The following AMZ1 variants were observed in gnomAD, a reference collection of about 807,000 sequenced individuals.
AMZ1 encodes the protein archaemetzincin-1.
In AMZ1, 39 loss-of-function variants were observed where a neutral mutation model predicts 29.9. The ratio of observed to expected loss-of-function variants is 1.30; its 90% CI spans 1.01 to 1.70. AMZ1 has a LOEUF of 1.70. AMZ1 is among the 40% of genes most tolerant of loss of function. The probability of loss-of-function intolerance (pLI) is 0.00; values close to 1 mark genes in which losing one functional copy is unlikely to be tolerated. For synonymous variants in AMZ1, 458 were observed against 304.0 expected (o/e 1.51, Z -5.27); for missense variants, 1,041 against 680.6 (o/e 1.53, Z -5.89).
Position 2,746,387 on chromosome 7 carries a change from T to C in AMZ1, n.551-18325T>C, listed in dbSNP as rs374705237. ...AAGAAATCAAAACCGCTCAACTACA[T>C]GGAAACTGAACAACCTGCTCCTAAA... is the stretch of plus-strand genomic sequence containing the variant. On this transcript the variant is annotated intron_variant and non_coding_transcript_variant, in intron 4 of 4. Transcript: ENST00000489665. 4.6e-5 allele frequency among the ~76,000 whole-genome samples: 7 copies of C among 152,098 alleles called. No homozygotes were observed. The East Asian group carries it at 5.8e-4, about 13-fold the overall frequency.
At chr7:2,707,276 CAAAAAA>C (rs34223369) in intron 3 of AMZ1, among the ~76,000 whole-genome samples, 1 of 144,694 alleles carries the variant, frequency 6.9e-6, no homozygotes, top group Non-Finnish European at 1.5e-5. Flanking sequence ...CACTCCATCT[CAAAAAA>C]AAAAAACAAA....
downstream of AMZ1, among the ~76,000 whole-genome samples, chr7:2,723,894 C>A (rs1789520857): frequency 1.3e-5 from 2 of 152,172 alleles, no homozygotes; most frequent in Non-Finnish European, 2.9e-5. Flanking sequence ...GATAAACTTT[C>A]CCTCGACTGG....
intron 4 of AMZ1, among the ~76,000 whole-genome samples, chr7:2,749,915 T>C (rs962444260): frequency 2.0e-5 from 3 of 152,144 alleles, no homozygotes; most frequent in East Asian, 3.8e-4. Context: ...TTGGGGCAAT[T>C]CCTAAAGGCC....
chr7:2,689,739 C>T (rs930720790), intron 1 of AMZ1, among the ~76,000 whole-genome samples: 23 of 152,214 alleles, frequency 1.5e-4, no homozygotes, highest in Admixed American at 9.8e-4. Flanking sequence ...GTCATGACTG[C>T]AGTTAGCAGA....
At chr7:2,689,441 G>A (rs1048108837) in intron 1 of AMZ1, among the ~76,000 whole-genome samples, 1 of 152,186 alleles carries the variant, frequency 6.6e-6, no homozygotes, top group Non-Finnish European at 1.5e-5. Context: ...GGAAGGAGAA[G>A]CGTCTGAGTT....
rs915388457 is a variant in AMZ1 at position 2,717,171 on chromosome 7, G to C, written c.*4293G>C. 2.0e-5 allele frequency among the ~76,000 whole-genome samples: 3 copies of C among 152,198 alleles called. No individual in the cohort carries two copies. Among genetic ancestry groups the C allele is most frequent in the Non-Finnish European group, 4.4e-5 (3 of 68,036 alleles). On this transcript the variant is annotated 3_prime_UTR_variant, in exon 7 of 7. Coordinates refer to ENST00000683327, the MANE Select transcript of AMZ1 (RefSeq NM_001384743.1). ...CCTGGGTGGGTGGCCGGCACTCTTAGGTGAGGTGCCAACGAAAACACCCCC... is the reference window on the plus strand; with the variant it reads ...CCTGGGTGGGTGGCCGGCACTCTTACGTGAGGTGCCAACGAAAACACCCCC...
In AMZ1 at chr7:2,753,187, C is replaced by T. The variant is rs138266454; in HGVS notation, n.551-11525C>T. Reference sequence around the variant, plus strand: ...TTTTAAAAAAAGAGACAGGGTCTTACTGTGTTGCCCAGGATGGAATGCAGC... The same window carrying T: ...TTTTAAAAAAAGAGACAGGGTCTTATTGTGTTGCCCAGGATGGAATGCAGC... On this transcript the variant is annotated intron_variant and non_coding_transcript_variant, in intron 4 of 4. Transcript: ENST00000489665. Among the ~76,000 whole-genome samples, 7 of 151,854 alleles carry T rather than the reference C, an allele frequency of 4.6e-5. No individual in the cohort carries two copies. The East Asian group carries it at 1.4e-3, about 29-fold the overall frequency.
At chr7:2,687,450 T>C (rs1186025035), upstream of AMZ1, among the ~76,000 whole-genome samples, 4 of 152,192 alleles carry the variant, frequency 2.6e-5, no homozygotes, top group African/African-American at 9.7e-5. Flanking sequence ...GGTGGGAGGC[T>C]GCCCGAGGGA....
At chr7:2,751,968 CAA>C (rs1791062683) in intron 4 of AMZ1, among the ~76,000 whole-genome samples, 1 of 152,066 alleles carries the variant, frequency 6.6e-6, no homozygotes, top group African/African-American at 2.4e-5. Context: ...TTCAGAAAAT[CAA>C]AGAGGAAGAA....
chr7:2,696,463 T>A (rs376140407), intron 1 of AMZ1, among the ~76,000 whole-genome samples: 3 of 151,022 alleles, frequency 2.0e-5, no homozygotes, highest in South Asian at 2.1e-4. Context: ...TTCACCATGT[T>A]AGCCAGGATG....
chr7:2,731,179 G>C lies in AMZ1; in HGVS notation n.550+21363G>C, dbSNP rs759880397. The C allele has an allele frequency of 1.3e-6, 2 of 1,598,958 alleles. No individual in the cohort carries two copies. The highest frequency in any genetic ancestry group is 1.7e-6 in the Non-Finnish European group (2 of 1,169,808). On this transcript the variant is annotated intron_variant and non_coding_transcript_variant, in intron 4 of 4. Coordinates refer to the AMZ1 transcript ENST00000489665. The surrounding 1 kb of genome is among the most constrained non-coding windows in gnomAD (Gnocchi z 6.0). ...CGACGACAAACCCCGGGGCTTCCTC[G>C]CTCACTGCAGCATGATGTCCTTCAG...
intron 4 of AMZ1, among the ~76,000 whole-genome samples, chr7:2,735,989 G>A (rs1478434939): frequency 3.3e-5 from 5 of 152,142 alleles, no homozygotes; most frequent in Non-Finnish European, 5.9e-5. Flanking sequence ...GTGCACTGCG[G>A]TTCACCAACA....
rs1302482386 is a variant in AMZ1 at position 2,718,633 on chromosome 7, TCAG to T, written c.*5762_*5764del. 6.6e-6 allele frequency among the ~76,000 whole-genome samples: 1 copy of T among 152,368 alleles called. No homozygotes were observed. The highest frequency in any genetic ancestry group is 1.9e-4 in the East Asian group (1 of 5,188). On this transcript the variant is annotated 3_prime_UTR_variant, in exon 7 of 7. Coordinates refer to ENST00000683327, the MANE Select transcript of AMZ1 (RefSeq NM_001384743.1). ...GCCGACGCCCCTCTCGGTCAGGCTT[TCAG>T]CAGCAGAAGGCAGTGGACTCTTCAC...
At chr7:2,680,643 T>G (rs1786849139) in intron 1 of AMZ1, among the ~76,000 whole-genome samples, 1 of 152,176 alleles carries the variant, frequency 6.6e-6, no homozygotes, top group Non-Finnish European at 1.5e-5. Context: ...CTCAGGAAGG[T>G]CTTGGCTGCT....
chr7:2,717,703 G>C lies in AMZ1; in HGVS notation c.*4825G>C, dbSNP rs935032555. ...GCGAACGCTGTTAAAAACAGATGCA[G>C]ATCGCGGGTGGAGACGGCCGGCCGA... On this transcript the variant is annotated 3_prime_UTR_variant, in exon 7 of 7. Transcript: ENST00000683327. Among the ~76,000 whole-genome samples the C allele has an allele frequency of 6.6e-6, 1 of 152,246 alleles. No homozygotes were observed. The highest frequency in any genetic ancestry group is 1.5e-5 in the Non-Finnish European group (1 of 68,050).
chr7:2,709,398 C>T (rs1435701601), intron 5 of AMZ1, among the ~76,000 whole-genome samples, 154 bp downstream of exon 5: 1 of 152,140 alleles, frequency 6.6e-6, no homozygotes, highest in Non-Finnish European at 1.5e-5. Context: ...AGCTATGAAG[C>T]AGCAGGGGAG....
At chr7:2,749,570 G>A (rs529829132) in intron 4 of AMZ1, among the ~76,000 whole-genome samples, 52 of 152,014 alleles carry the variant, frequency 3.4e-4, no homozygotes, top group African/African-American at 1.1e-3. Context: ...TAAATGACGA[G>A]TTAATGGGTG....
intron 1 of AMZ1, among the ~76,000 whole-genome samples, chr7:2,690,350 C>T (rs763656604): frequency 2.0e-5 from 3 of 152,220 alleles, no homozygotes; most frequent in Non-Finnish European, 2.9e-5. Flanking sequence ...TCCCTAGTAG[C>T]TGGGACCACA....
At chr7:2,720,077 C>T (rs952827890), downstream of AMZ1, among the ~76,000 whole-genome samples, 8 of 152,330 alleles carry the variant, frequency 5.3e-5, no homozygotes, top group African/African-American at 1.7e-4. Flanking sequence ...ATAAGCAATT[C>T]CTTGCATTTG....
Sources: gnomAD v4.1 joint callset for allele counts (sites outside exome capture counted in the v4.1 genomes callset) on GRCh38, gnomAD v4.1.1 for gene constraint, Gnocchi (gnomAD v3.1) non-coding constraint, MANE v1.5 for transcripts, NCBI Gene and HGNC (gene_info 2026-07-23, HGNC 2026-07-21) for gene names.